The following ENTHD1 variants were observed in gnomAD, a reference collection of about 807,000 sequenced individuals.
ENTHD1 encodes ENTH domain containing 1, also known as ENTH domain-containing protein 1.
A neutral mutation model predicts 39.1 loss-of-function variants in ENTHD1; 23 were observed. The ratio of observed to expected loss-of-function variants is 0.59; its 90% CI spans 0.42 to 0.83. The LOEUF (loss-of-function observed/expected upper bound fraction) is 0.83. ENTHD1 is among the 40% of genes least tolerant of loss of function. ENTHD1 has a pLI of 0.00. For missense variants in ENTHD1, 624 were observed against 705.4 expected (o/e 0.88, Z 1.31); for synonymous variants, 230 against 258.2 (o/e 0.89, Z 1.05).
chr22:39,812,093 G>C (rs574276412), intron 5 of ENTHD1, among the ~76,000 whole-genome samples: 1 of 151,972 alleles, frequency 6.6e-6, no homozygotes, highest in South Asian at 2.1e-4. Context: ...ACTCCATGGA[G>C]CATGATCCCA....
At position 39,892,613 on chromosome 22, in the gene ENTHD1, T is replaced by C. The variant is rs529902735; in HGVS notation, c.-156+1082A>G. 7.9e-5 allele frequency among the ~76,000 whole-genome samples: 12 copies of C among 152,368 alleles called. No individual in the cohort carries two copies. The South Asian group carries it at 2.3e-3, about 29-fold the overall frequency. On this transcript the variant is annotated intron_variant, in intron 1 of 6. Transcript: ENST00000325157. ...AAGTTGATTTCCAAAAGTTTTTGGA[T>C]TTCAGGATTGAGAATAAGGAACAGA... is the stretch of plus-strand genomic sequence containing the variant.
chr22:39,788,645 C>T (rs2146596710), intron 5 of ENTHD1, among the ~76,000 whole-genome samples: 1 of 152,258 alleles, frequency 6.6e-6, no homozygotes, highest in African/African-American at 2.4e-5. Context: ...GAAAGAAGTT[C>T]TACTGTATGT....
intron 3 of ENTHD1, among the ~76,000 whole-genome samples, chr22:39,857,303 G>C (rs901555720): frequency 6.6e-6 from 1 of 151,798 alleles, no homozygotes. Context: ...TTAGCCAGGC[G>C]TGATGGCGTA....
At chr22:39,761,320 C>G (rs1157668135) in intron 6 of ENTHD1, among the ~76,000 whole-genome samples, 3 of 152,104 alleles carry the variant, frequency 2.0e-5, no homozygotes. Flanking sequence ...ATTCTTGGTC[C>G]TCTGCATGTA....
chr22:39,883,820 C>CTCCA (rs2066359089), intron 2 of ENTHD1, among the ~76,000 whole-genome samples: 1 of 142,038 alleles, frequency 7.0e-6, no homozygotes. Flanking sequence ...TGCCACTGCA[C>CTCCA]TCCAGCCTGG....
At chr22:39,850,352 T>G (rs542565020) in intron 3 of ENTHD1, among the ~76,000 whole-genome samples, 1 of 152,318 alleles carries the variant, frequency 6.6e-6, no homozygotes, top group East Asian at 1.9e-4. Context: ...CTCCTTTGCC[T>G]GTTATTAAGT....
intron 5 of ENTHD1, among the ~76,000 whole-genome samples, chr22:39,804,336 A>G (rs1008770785): frequency 6.6e-6 from 1 of 151,804 alleles, no homozygotes; most frequent in Non-Finnish European, 1.5e-5. Flanking sequence ...AAAGTAAAAA[A>G]TTAGCTAGGC....
Position 39,878,444 on chromosome 22 carries a change from C to T in ENTHD1, c.349+8956G>A, listed in dbSNP as rs146164578. Among the ~76,000 whole-genome samples, 301 of 150,292 alleles carry T rather than the reference C, an allele frequency of 2.0e-3. 1 individual carries two copies. The highest frequency in any genetic ancestry group is 6.9e-3 in the African/African-American group (281 of 40,798). Reference sequence around the variant, plus strand: ...AAATTAGTGTTATACACTAACCACACATCAAGGAAGCTCAGAGAACATTAA... The same window carrying T: ...AAATTAGTGTTATACACTAACCACATATCAAGGAAGCTCAGAGAACATTAA... On this transcript the variant is annotated intron_variant, in intron 2 of 6. Transcript: ENST00000325157.
At chr22:39,810,606 G>A (rs1569149981) in intron 5 of ENTHD1, among the ~76,000 whole-genome samples, 1 of 152,200 alleles carries the variant, frequency 6.6e-6, no homozygotes, top group Non-Finnish European at 1.5e-5. Flanking sequence ...AAAGTTGTAG[G>A]GGTAGTGATT....
intron 5 of ENTHD1, among the ~76,000 whole-genome samples, chr22:39,768,873 A>G (rs2065299166): frequency 6.6e-6 from 1 of 152,086 alleles, no homozygotes; most frequent in African/African-American, 2.4e-5. Context: ...TGCAGGAGAT[A>G]TGCACAAGCA....
At chr22:39,879,066 A>T (rs1205486652) in intron 2 of ENTHD1, among the ~76,000 whole-genome samples, 8 of 152,150 alleles carry the variant, frequency 5.3e-5, no homozygotes, top group Admixed American at 5.2e-4. Flanking sequence ...AATGAGACGA[A>T]GGAGTGTTAT....
chr22:39,765,176 T>TG (rs1555922441), intron 6 of ENTHD1, 47 bp downstream of exon 6: 4 of 1,402,938 alleles, frequency 2.9e-6, no homozygotes, highest in Admixed American at 5.6e-5. Context: ...AGGTTTTTTG[T>TG]TGTGTGTGTG....
rs548456253 is a variant in ENTHD1, at chr22:39,885,840, G to A, written c.349+1560C>T. 7.2e-5 allele frequency among the ~76,000 whole-genome samples: 11 copies of A among 152,254 alleles called. No individual in the cohort carries two copies. The South Asian group carries it at 1.5e-3, about 20-fold the overall frequency. On this transcript the variant is annotated intron_variant, in intron 2 of 6. Transcript: ENST00000325157. Reference sequence around the variant, plus strand: ...TGGGGAGCTATTGCTTAATGCTTACGGGGTTTCTGTTTGGGGTGATGAAAG... The same window carrying A: ...TGGGGAGCTATTGCTTAATGCTTACAGGGTTTCTGTTTGGGGTGATGAAAG...
intron 2 of ENTHD1, among the ~76,000 whole-genome samples, chr22:39,872,814 G>A (rs2066254764): frequency 1.3e-5 from 2 of 150,712 alleles, no homozygotes; most frequent in Non-Finnish European, 2.9e-5. Context: ...ACAATGGCAA[G>A]AATATCACCA....
At chr22:39,756,865 C>G (rs2065189510) in intron 6 of ENTHD1, among the ~76,000 whole-genome samples, 1 of 152,116 alleles carries the variant, frequency 6.6e-6, no homozygotes, top group Admixed American at 6.5e-5. Context: ...CAATATCACA[C>G]TATTTTGATT....
At chr22:39,846,025 T>C (rs1348811411) in intron 3 of ENTHD1, among the ~76,000 whole-genome samples, 3 of 152,108 alleles carry the variant, frequency 2.0e-5, no homozygotes, top group Non-Finnish European at 2.9e-5. Context: ...AATCCATGCA[T>C]TTATGGCCAA....
chr22:39,861,113 C>T (rs936332140), intron 3 of ENTHD1, among the ~76,000 whole-genome samples: 1 of 152,212 alleles, frequency 6.6e-6, no homozygotes, highest in Non-Finnish European at 1.5e-5. Context: ...GAAAACTGTA[C>T]TCCTTCACTT....
chr22:39,791,297 G>A (rs2065501946), intron 5 of ENTHD1, among the ~76,000 whole-genome samples: 1 of 147,640 alleles, frequency 6.8e-6, no homozygotes. Flanking sequence ...TATATAGTTA[G>A]ACTACATAAT....
intron 5 of ENTHD1, among the ~76,000 whole-genome samples, chr22:39,811,994 A>G (rs1190134155): frequency 1.3e-5 from 1 of 75,024 alleles, no homozygotes; most frequent in East Asian, 4.4e-4. Context: ...AAACAAAAAC[A>G]AAAACAAACA....
Sources: gnomAD v4.1 joint callset for allele counts (sites outside exome capture counted in the v4.1 genomes callset) on GRCh38, gnomAD v4.1.1 for gene constraint, MANE v1.5 for transcripts, NCBI Gene and HGNC (gene_info 2026-07-23, HGNC 2026-07-21) for gene names.